TRIM55: variants seen among roughly 807,000 people sequenced by gnomAD.
TRIM55 encodes tripartite motif containing 55, also known as tripartite motif-containing protein 55.
In TRIM55, 50 loss-of-function variants were observed where a neutral mutation model predicts 60.9. That is an observed-to-expected ratio of 0.82 (90% CI 0.65 to 1.04). The LOEUF is 1.04. TRIM55 is among the 50% of genes least tolerant of loss of function. The pLI is 0.00. For synonymous variants in TRIM55, 237 were observed against 238.1 expected (o/e 1.00, Z 0.04); for missense variants, 681 against 666.9 (o/e 1.02, Z -0.23).
At chr8:66,127,496 A>T (rs1650677977) in intron 1 of TRIM55, 60 bp downstream of exon 1, 1 of 1,581,468 alleles carries the variant, frequency 6.3e-7, no homozygotes, top group Non-Finnish European at 8.7e-7. Context: ...TCCTCTTGGA[A>T]TCAAGTGCTT....
chr8:66,135,062 C>G lies in TRIM55; in HGVS notation c.414C>G (p.Asn138Lys). Residue 138 changes from asparagine (N) to lysine (K), a missense_variant, in exon 3 of 10, where the codon AAC becomes AAG. Asn to Lys is a moderately conservative substitution (Grantham distance 94). Coordinates refer to ENST00000315962, the MANE Select transcript of TRIM55 (RefSeq NM_184085.2). ...AGCGCATCAACATCTACTGTCTGAA[C>G]TGCGAAGTACCCACCTGCTCTCTGT... is the stretch of plus-strand genomic sequence containing the variant. The part of the protein sequence containing the change: ...EEERINIYCL[N>K]CEVPTCSLCK... 1 of 1,614,236 alleles carries G rather than the reference C, an allele frequency of 6.2e-7. No individual in the cohort carries two copies. The highest frequency in any genetic ancestry group is 8.5e-7 in the Non-Finnish European group (1 of 1,180,052).
chr8:66,120,609 C>T, the TRIM55 span, among the ~76,000 whole-genome samples: 1 of 152,140 alleles, frequency 6.6e-6, no homozygotes, highest in Non-Finnish European at 1.5e-5. Context: ...CACAGAAGCT[C>T]GGGTGACCTT....
At chr8:66,154,381 G>C (rs1810624591) in intron 9 of TRIM55, 47 bp downstream of exon 9, 1 of 1,591,550 alleles carries the variant, frequency 6.3e-7, no homozygotes, top group African/African-American at 1.3e-5. Context: ...GCCCCCTAGG[G>C]TCCCACTGGA....
upstream of TRIM55, among the ~76,000 whole-genome samples, chr8:66,124,884 T>C (rs1372798234): frequency 2.0e-5 from 3 of 152,226 alleles, no homozygotes. Flanking sequence ...AGGACAGAAC[T>C]CTAAGTCATC....
At chr8:66,148,493 C>A (rs2128979421) in intron 4 of TRIM55, among the ~76,000 whole-genome samples, 1 of 152,292 alleles carries the variant, frequency 6.6e-6, no homozygotes, top group South Asian at 2.1e-4. Flanking sequence ...TCAAGGGACA[C>A]TTTATGGAAG....
Position 66,174,504 on chromosome 8 carries a change from G to T in TRIM55, c.1558G>T (p.Ala520Ser), listed in dbSNP as rs765786482. ...GFEAPPLQGQ[A>S]AAPASGSGAD... ...TGAGGCTCCTCCCCTCCAGGGACAG[G>T]CTGCAGCTCCAGCGAGTGGCAGTGG... Residue 520 changes from alanine to serine, a missense_variant, in exon 10 of 10, where the codon GCT (alanine) becomes TCT (serine). Transcript: ENST00000315962. The T allele has an allele frequency of 1.2e-6, 2 of 1,612,332 alleles. No homozygotes were observed. Among genetic ancestry groups the T allele is most frequent in the East Asian group, 4.5e-5 (2 of 44,712 alleles).
chr8:66,154,948 T>C (rs1051021126), intron 9 of TRIM55, among the ~76,000 whole-genome samples: 1 of 152,200 alleles, frequency 6.6e-6, no homozygotes, highest in Non-Finnish European at 1.5e-5. Context: ...CAAGAGACTC[T>C]TTCTTTATAT....
At chr8:66,123,767 G>A (rs1586156044), upstream of TRIM55, among the ~76,000 whole-genome samples, 2 of 152,140 alleles carry the variant, frequency 1.3e-5, no homozygotes, top group East Asian at 3.8e-4. Flanking sequence ...CTGAGGTGGG[G>A]GGATTGCTTG....
chr8:66,148,332 C>G (rs185115487), intron 4 of TRIM55, among the ~76,000 whole-genome samples: 2 of 152,358 alleles, frequency 1.3e-5, no homozygotes, highest in East Asian at 3.8e-4. Context: ...TCCAACACAG[C>G]CTTTCTCTCC....
the TRIM55 span, among the ~76,000 whole-genome samples, chr8:66,116,446 A>C: frequency 6.6e-6 from 1 of 151,992 alleles, no homozygotes; most frequent in African/African-American, 2.4e-5. Context: ...GTCTCTACAA[A>C]AAATACAAAA....
intron 4 of TRIM55, among the ~76,000 whole-genome samples, chr8:66,138,880 T>G (rs1309952183): frequency 6.6e-6 from 1 of 152,238 alleles, no homozygotes; most frequent in Non-Finnish European, 1.5e-5. Context: ...ATTCTTATTA[T>G]TTTATCATTA....
the TRIM55 span, among the ~76,000 whole-genome samples, chr8:66,119,245 T>C: frequency 6.6e-6 from 1 of 152,214 alleles, no homozygotes; most frequent in Non-Finnish European, 1.5e-5. Flanking sequence ...GAATACTTCC[T>C]TTCTACCTTA....
chr8:66,164,856 A>G (rs1322383654), intron 9 of TRIM55, among the ~76,000 whole-genome samples: 5 of 152,138 alleles, frequency 3.3e-5, no homozygotes, highest in Non-Finnish European at 7.3e-5. Context: ...CCAGAGGAAA[A>G]TAAAAAACAT....
chr8:66,156,365 C>T (rs533800839), intron 9 of TRIM55, among the ~76,000 whole-genome samples: 40 of 152,244 alleles, frequency 2.6e-4, no homozygotes, highest in African/African-American at 8.4e-4. Flanking sequence ...GATCAATGTG[C>T]ACTTACCAGC....
At chr8:66,114,883 C>G in the TRIM55 span, 11 of 294,588 alleles carry the variant, frequency 3.7e-5, no homozygotes, top group African/African-American at 2.2e-4. Flanking sequence ...TAGAGACCAG[C>G]GCTGAGAGAG....
intron 2 of TRIM55, 64 bp from the exon 3 acceptor site, chr8:66,134,926 C>G: frequency 6.4e-7 from 1 of 1,552,246 alleles, no homozygotes; most frequent in Non-Finnish European, 8.8e-7. Flanking sequence ...GCAACATCAG[C>G]TCTGCCTTGA....
At chr8:66,123,769 G>A (rs1475131052), upstream of TRIM55, among the ~76,000 whole-genome samples, 1 of 152,186 alleles carries the variant, frequency 6.6e-6, no homozygotes, top group Non-Finnish European at 1.5e-5. Flanking sequence ...GAGGTGGGGG[G>A]ATTGCTTGAG....
the TRIM55 span, among the ~76,000 whole-genome samples, chr8:66,114,114 C>CA: frequency 1.5e-5 from 2 of 129,418 alleles, no homozygotes; most frequent in South Asian, 2.9e-4. Flanking sequence ...TGCTTTGAAC[C>CA]AAAAAAGTCT....
chr8:66,127,216 T>C lies in TRIM55; in HGVS notation c.-53T>C. On this transcript the variant is annotated 5_prime_UTR_variant, in exon 1 of 10. Coordinates refer to ENST00000315962, the MANE Select transcript of TRIM55 (RefSeq NM_184085.2). ...GGAATAATATCCAGGAAACACTTGCTGGAGCCACTCGCAGCACCCTTCCCT... is the reference window on the plus strand; with the variant it reads ...GGAATAATATCCAGGAAACACTTGCCGGAGCCACTCGCAGCACCCTTCCCT... The C allele has an allele frequency of 6.4e-7, 1 of 1,559,122 alleles. No individual in the cohort carries two copies. The highest frequency in any genetic ancestry group is 8.7e-7 in the Non-Finnish European group (1 of 1,143,238).
Sources: allele counts gnomAD v4.1 joint callset (sites outside exome capture counted in the v4.1 genomes callset), GRCh38; gene constraint gnomAD v4.1.1; transcripts MANE v1.5; gene names NCBI Gene and HGNC (gene_info 2026-07-23, HGNC 2026-07-21).